FIGNL1: variants seen among roughly 807,000 people sequenced by gnomAD.
FIGNL1 encodes the protein fidgetin like 1, also known as fidgetin-like protein 1.
FIGNL1 carries 11 observed loss-of-function variants against 28.9 expected under a neutral mutation model. The ratio of observed to expected loss-of-function variants is 0.38; its 90% CI spans 0.24 to 0.63. The LOEUF (loss-of-function observed/expected upper bound fraction) is 0.63. FIGNL1 is among the 20% of genes least tolerant of loss of function. FIGNL1 has a pLI of 0.57. For missense variants in FIGNL1, 789 were observed against 810.4 expected (o/e 0.97, Z 0.32); for synonymous variants, 295 against 276.5 (o/e 1.07, Z -0.66).
rs1562951890 is a variant in FIGNL1 at position 50,444,241 on chromosome 7, TAAA to T, written c.*1019_*1021del. On this transcript the variant is annotated 3_prime_UTR_variant, in exon 4 of 4. Transcript: ENST00000433017. ...TAGTTCCTTTACAATAAACAAAAGA[TAAA>T]CAACCTAGCGTCCTGTCCTATATGC... The T allele has an allele frequency of 6.6e-6, 1 of 152,216 alleles. No homozygotes were observed. The highest frequency in any genetic ancestry group is 1.5e-5 in the Non-Finnish European group (1 of 68,030). The allele number at this position is 152,216 out of a possible 1,614,324, so 9.4% of individuals were successfully genotyped here. A position where few individuals can be genotyped will look rare whatever the true frequency, so the allele number is the denominator to read the frequency against.
intron 3 of FIGNL1, among the ~76,000 whole-genome samples, chr7:50,447,744 A>T (rs140751294): frequency 0.013 from 1,933 of 151,162 alleles, 52 homozygotes; most frequent in African/African-American, 0.045. Flanking sequence ...TTTTATTATT[A>T]TTTTTTTTTG....
rs777613182 is a variant in FIGNL1 at position 50,446,018 on chromosome 7, G to A, written c.1270C>T (p.Pro424Ser). ...CCCCTTAAACCAGTAAAGATGTCTG[G>A]CCTCAACATGGGCCACACAACTATT... ...KEIVVWPMLR[P>S]DIFTGLRGPP... The change falls in exon 4 of 4, where the codon CCA becomes TCA. Residue 424 changes from proline (P) to serine (S), a missense_variant. Physicochemically the swap from Pro to Ser is moderately conservative, Grantham distance 74. Transcript: ENST00000433017. 10 of 1,614,130 alleles carry A rather than the reference G, an allele frequency of 6.2e-6. No homozygotes were observed. The South Asian group carries it at 9.9e-5, about 16-fold the overall frequency.
rs10235371 is a variant in FIGNL1 at position 50,446,879 on chromosome 7, C to T, written c.409G>A (p.Val137Met). ...ACAGTGGCCTCCTTATGGATTACCACTGATGCAAGAGCAGGTTCCAACAGA... is the reference window on the plus strand; with the variant it reads ...ACAGTGGCCTCCTTATGGATTACCATTGATGCAAGAGCAGGTTCCAACAGA... ...DSLLEPALAS[V>M]VIHKEATVFD... Residue 137 changes from valine to methionine, a missense_variant, in exon 4 of 4, where the codon GTG becomes ATG. Physicochemically the swap from Val to Met is conservative, Grantham distance 21 (BLOSUM62 1). Coordinates refer to ENST00000433017, the MANE Select transcript of FIGNL1 (RefSeq NM_001287492.4). 0.092 allele frequency: 149,116 copies of T among 1,614,136 alleles called. 7,427 individuals carry two copies. The highest frequency in any genetic ancestry group is 0.15 in the Middle Eastern group (879 of 6,062).
In FIGNL1 at chr7:50,446,311, T is replaced by A. The variant is rs764804778; in HGVS notation, c.977A>T (p.Lys326Met). Residue 326 changes from lysine to methionine, a missense_variant, in exon 4 of 4, where the codon AAG becomes ATG. Physicochemically the swap from Lys to Met is moderately conservative, Grantham distance 95. Coordinates refer to ENST00000433017, the MANE Select transcript of FIGNL1 (RefSeq NM_001287492.4). ...ASGSSYGGVK[K>M]SLGASRSRGI... ...TCGGGATCTACTAGCTCCTAGAGAC[T>A]TTTTTACACCACCATATGAAGACCC... 6.2e-7 allele frequency: 1 copy of A among 1,614,038 alleles called. No individual in the cohort carries two copies. The highest frequency in any genetic ancestry group is 1.3e-5 in the African/African-American group (1 of 74,906).
chr7:50,446,355 G>A lies in FIGNL1; in HGVS notation c.933C>T (p.His311=). The change falls in exon 4 of 4, where the codon CAC becomes CAT. Residue 311 remains histidine, a synonymous_variant. Coordinates refer to ENST00000433017, the MANE Select transcript of FIGNL1 (RefSeq NM_001287492.4). Reference sequence around the variant, plus strand: ...AAGACCCTGATGCACGCTGAGGTTGGTGGTACTTTTTTTGCTGATCTACCC... The same window carrying A: ...AAGACCCTGATGCACGCTGAGGTTGATGGTACTTTTTTTGCTGATCTACCC... ...QLWVDQQKKY[H]QPQRASGSSY... is the part of the protein sequence containing the mutation. 1 of 1,614,096 alleles carries A rather than the reference G, an allele frequency of 6.2e-7. No individual in the cohort carries two copies. The highest frequency in any genetic ancestry group is 8.5e-7 in the Non-Finnish European group (1 of 1,180,018).
Position 50,447,220 on chromosome 7 carries a change from G to C in FIGNL1, c.68C>G (p.Ser23Cys), listed in dbSNP as rs143937111. The C allele has an allele frequency of 9.9e-6, 16 of 1,612,052 alleles. 1 individual carries two copies. The African/African-American group carries it at 1.3e-4, about 13-fold the overall frequency. Residue 23 changes from serine (S) to cysteine (C), a missense_variant, in exon 4 of 4, where the codon TCT becomes TGT. Coordinates refer to ENST00000433017, the MANE Select transcript of FIGNL1 (RefSeq NM_001287492.4). ...TGCCTTCGGTCCGGTACATATGCCA[G>C]ATGTAATTGCGAAGTAATTCTTCTG... ...EWQKNYFAIT[S>C]GICTGPKADA...
rs763046171 is a variant in FIGNL1, at chr7:50,447,240, C to T, written c.48G>A (p.Lys16=). The T allele has an allele frequency of 1.2e-6, 2 of 1,610,776 alleles. No homozygotes were observed. The highest frequency in any genetic ancestry group is 1.7e-6 in the Non-Finnish European group (2 of 1,177,156). Residue 16 remains lysine, a synonymous_variant, in exon 4 of 4, where the codon AAG becomes AAA. Coordinates refer to ENST00000433017, the MANE Select transcript of FIGNL1 (RefSeq NM_001287492.4). The part of the protein sequence containing the change: ...SRSVHLSEWQ[K]NYFAITSGIC... ...TGCCAGATGTAATTGCGAAGTAATT[C>T]TTCTGCCATTCACTCAGGTGCACAG...
In FIGNL1 at chr7:50,445,971, G is replaced by A. The variant is rs1252868403; in HGVS notation, c.1317C>T (p.Leu439=). 6.2e-7 allele frequency: 1 copy of A among 1,614,038 alleles called. No individual in the cohort carries two copies. The highest frequency in any genetic ancestry group is 1.3e-5 in the African/African-American group (1 of 74,934). Residue 439 remains leucine (L), a synonymous_variant, in exon 4 of 4, where the codon CTC becomes CTT. Coordinates refer to ENST00000433017, the MANE Select transcript of FIGNL1 (RefSeq NM_001287492.4). Reference sequence around the variant, plus strand: ...TTTTACCAGTCCCAGGAGGACCAAAGAGCAAAATTCCTTTAGGGGGTCCCC... The same window carrying A: ...TTTTACCAGTCCCAGGAGGACCAAAAAGCAAAATTCCTTTAGGGGGTCCCC... ...GLRGPPKGIL[L]FGPPGTGKTL...
Position 50,445,209 on chromosome 7 carries a change from C to A in FIGNL1, c.*54G>T. 2 of 1,161,714 alleles carry A rather than the reference C, an allele frequency of 1.7e-6. No individual in the cohort carries two copies. The highest frequency in any genetic ancestry group is 2.8e-5 in the Admixed American group (1 of 36,348). The allele number at this position is 1,161,714 out of a possible 1,614,324, so 72.0% of individuals were successfully genotyped here. A position where few individuals can be genotyped will look rare whatever the true frequency, so the allele number is the denominator to read the frequency against. On this transcript the variant is annotated 3_prime_UTR_variant, in exon 4 of 4. Transcript: ENST00000433017. Reference sequence around the variant, plus strand: ...ATTAACACATCCCCAACTTTCTATGCTAAAAAATAAAGAAGACTGTACTAC... The same window carrying A: ...ATTAACACATCCCCAACTTTCTATGATAAAAAATAAAGAAGACTGTACTAC...
In FIGNL1 at chr7:50,444,515, TTTTCTCATG is replaced by T. The variant is rs1337059724; in HGVS notation, c.*739_*747del. 5 of 152,238 alleles carry T rather than the reference TTTTCTCATG, an allele frequency of 3.3e-5. No individual in the cohort carries two copies. The highest frequency in any genetic ancestry group is 1.2e-4 in the African/African-American group (5 of 41,452). 9.4% of individuals were successfully genotyped at this position (152,238 alleles called of 1,614,324 possible). A position where few individuals can be genotyped will look rare whatever the true frequency, so the allele number is the denominator to read the frequency against. On this transcript the variant is annotated 3_prime_UTR_variant, in exon 4 of 4. Coordinates refer to ENST00000433017, the MANE Select transcript of FIGNL1 (RefSeq NM_001287492.4). ...CTTTTATTCTTTTTACTTATCTCTA[TTTTCTCATG>T]TTTCTGTAATGAACATGTTTCATAA...
Position 50,446,051 on chromosome 7 carries a change from T to C in FIGNL1, c.1237A>G (p.Ile413Val), listed in dbSNP as rs374878258. The part of the protein sequence containing the change: ...IAGVEFAKAT[I>V]KEIVVWPMLR... ...ATGGGCCACACAACTATTTCCTTTA[T>C]GGTGGCTTTAGCAAATTCTACTCCT... The change falls in exon 4 of 4, where the codon ATA becomes GTA. Residue 413 changes from isoleucine (I) to valine (V), a missense_variant. Transcript: ENST00000433017. 3 of 1,614,088 alleles carry C rather than the reference T, an allele frequency of 1.9e-6. No homozygotes were observed. The highest frequency in any genetic ancestry group is 1.7e-5 in the Admixed American group (1 of 60,010).
In FIGNL1 at chr7:50,445,678, T is replaced by C. The variant is rs761804249; in HGVS notation, c.1610A>G (p.Asp537Gly). The change falls in exon 4 of 4, where the codon GAT becomes GGT. Residue 537 changes from aspartate (D) to glycine (G), a missense_variant. Physicochemically the swap from Asp to Gly is moderately conservative, Grantham distance 94. Coordinates refer to ENST00000433017, the MANE Select transcript of FIGNL1 (RefSeq NM_001287492.4). ...TGTTGCTCCCACCACTAGGATACGA[T>C]CTTCAGAAGATGTTGTTGCTCCATC... Reference protein sequence around the residue: ...QLDGATTSSEDRILVVGATNR... With the variant: ...QLDGATTSSEGRILVVGATNR... 4.7e-5 allele frequency: 76 copies of C among 1,614,014 alleles called. No individual in the cohort carries two copies. The highest frequency in any genetic ancestry group is 1.2e-4 in the Admixed American group (7 of 60,010).
In FIGNL1 at chr7:50,446,923, C is replaced by T. The variant is rs762209998; in HGVS notation, c.365G>A (p.Gly122Asp). Residue 122 changes from glycine to aspartate, a missense_variant, in exon 4 of 4, where the codon GGC becomes GAC. Coordinates refer to ENST00000433017, the MANE Select transcript of FIGNL1 (RefSeq NM_001287492.4). ...MSSVQKMMQA[G>D]KKFKDSLLEP... ...CAACAGAGAGTCTTTGAATTTTTTG[C>T]CAGCTTGCATCATCTTCTGTACACT... The T allele has an allele frequency of 3.7e-6, 6 of 1,614,032 alleles. No individual in the cohort carries two copies. Among genetic ancestry groups the T allele is most frequent in the African/African-American group, 1.3e-5 (1 of 74,922 alleles).
In FIGNL1 at chr7:50,445,075, G is replaced by A. The variant is rs1364020797; in HGVS notation, c.*188C>T. 1 of 395,074 alleles carries A rather than the reference G, an allele frequency of 2.5e-6. No individual in the cohort carries two copies. Among genetic ancestry groups the A allele is most frequent in the Non-Finnish European group, 4.4e-6 (1 of 225,244 alleles). 24.5% of individuals were successfully genotyped at this position (395,074 alleles called of 1,614,324 possible). ...TTTGTTCAAATAGGCTTACGTATCAGGTAATCACTGGAAAGCAAAACTTAC... is the reference window on the plus strand; with the variant it reads ...TTTGTTCAAATAGGCTTACGTATCAAGTAATCACTGGAAAGCAAAACTTAC... On this transcript the variant is annotated 3_prime_UTR_variant, in exon 4 of 4. Coordinates refer to ENST00000433017, the MANE Select transcript of FIGNL1 (RefSeq NM_001287492.4).
chr7:50,448,584 T>C (rs1821448854), intron 2 of FIGNL1: 1 of 152,268 alleles, frequency 6.6e-6, no homozygotes, highest in Non-Finnish European at 1.5e-5. Context: ...TTGCTAGATA[T>C]ATAGAATTTA....
In FIGNL1 at chr7:50,446,832, A is replaced by G. The variant is rs1283752434; in HGVS notation, c.456T>C (p.Ser152=). The part of the protein sequence containing the change: ...EATVFDLPKF[S]VCGSSQESDS... ...CACTCTCTTGAGAACTACCACAAAC[A>G]CTAAATTTAGGAAGATCAAAGACAG... Residue 152 remains serine (S), a synonymous_variant, in exon 4 of 4, where the codon AGT becomes AGC. Transcript: ENST00000433017. 4 of 1,613,980 alleles carry G rather than the reference A, an allele frequency of 2.5e-6. No individual in the cohort carries two copies. The African/African-American group carries it at 5.3e-5, about 22-fold the overall frequency.
Sources: gnomAD v4.1 joint callset for allele counts (sites outside exome capture counted in the v4.1 genomes callset) on GRCh38, gnomAD v4.1.1 for gene constraint, MANE v1.5 for transcripts, NCBI Gene and HGNC (gene_info 2026-07-23, HGNC 2026-07-21) for gene names.